Variants in GLDC observed in about 807,000 individuals in gnomAD.
GLDC encodes glycine decarboxylase.
In GLDC, 104 loss-of-function variants were observed where a neutral mutation model predicts 121.3. The ratio of observed to expected loss-of-function variants is 0.86; its 90% CI spans 0.73 to 1.01. GLDC has a LOEUF of 1.01. Ranked by LOEUF, GLDC falls within the 50% of genes least tolerant of loss-of-function variation. The pLI is 0.00. For synonymous variants in GLDC, 546 were observed against 480.6 expected (o/e 1.14, Z -1.78); for missense variants, 1,429 against 1,306.6 (o/e 1.09, Z -1.44).
At chr9:6,541,510 C>T (rs1433409235) in intron 21 of GLDC, 1 of 152,112 alleles carries the variant, frequency 6.6e-6, no homozygotes, top group Non-Finnish European at 1.5e-5. Context: ...TGCTCTGCTT[C>T]TTATAGAATG....
At chr9:6,539,942 C>A in intron 22 of GLDC, 109 bp downstream of exon 22, 1 of 808,612 alleles carries the variant, frequency 1.2e-6, no homozygotes, top group Non-Finnish European at 2.2e-6. Flanking sequence ...CTGAGCTCCC[C>A]ATTTATCCCC....
At chr9:6,633,137 TTA>T (rs1290262435) in intron 2 of GLDC, among the ~76,000 whole-genome samples, 1 of 152,164 alleles carries the variant, frequency 6.6e-6, no homozygotes, top group Non-Finnish European at 1.5e-5. Context: ...CGGAGGATCC[TTA>T]TGTCTTTATG....
At chr9:6,622,244 C>A (rs191626583) in intron 2 of GLDC, among the ~76,000 whole-genome samples, 2 of 151,682 alleles carry the variant, frequency 1.3e-5, no homozygotes, top group African/African-American at 4.8e-5. Context: ...ATATGGTCCC[C>A]CTCCCCCTCC....
Position 6,645,664 on chromosome 9 carries a change from C to T in GLDC, c.-165G>A. On this transcript the variant is annotated 5_prime_UTR_variant, in exon 1 of 25. Coordinates refer to ENST00000321612, the MANE Select transcript of GLDC (RefSeq NM_000170.3). ...GACGCTCGCGGGCAATGAATGGGCG[C>T]TGCGCTCAACCAAGACACTCGCGCA... 2.5e-6 allele frequency: 1 copy of T among 399,390 alleles called. No individual in the cohort carries two copies. The highest frequency in any genetic ancestry group is 4.0e-6 in the Non-Finnish European group (1 of 249,992). 24.7% of individuals were successfully genotyped at this position (399,390 alleles called of 1,614,324 possible).
intron 3 of GLDC, among the ~76,000 whole-genome samples, chr9:6,614,538 G>C (rs894067208): frequency 2.7e-5 from 4 of 150,136 alleles, no homozygotes; most frequent in African/African-American, 9.9e-5. Flanking sequence ...CCCAGCTGAA[G>C]CCCTGGGTTT....
intron 7 of GLDC, among the ~76,000 whole-genome samples, chr9:6,603,058 T>C (rs981156899): frequency 1.3e-5 from 2 of 151,782 alleles, no homozygotes; most frequent in Non-Finnish European, 2.9e-5. Context: ...TGAAACCCCA[T>C]CTCTACTAAA....
chr9:6,547,438 A>G (rs1053914567), intron 21 of GLDC, among the ~76,000 whole-genome samples: 2 of 152,142 alleles, frequency 1.3e-5, no homozygotes, highest in Non-Finnish European at 2.9e-5. Flanking sequence ...TGGCCATGAT[A>G]TATTGTTTAC....
intron 21 of GLDC, among the ~76,000 whole-genome samples, chr9:6,549,741 G>T (rs562160119): frequency 6.6e-6 from 1 of 152,010 alleles, no homozygotes; most frequent in Non-Finnish European, 1.5e-5. Flanking sequence ...AAGCCCTAGA[G>T]GCTAGCTAAC....
chr9:6,593,058 A>G, intron 9 of GLDC, 68 bp from the exon 10 acceptor site: 1 of 1,524,382 alleles, frequency 6.6e-7, no homozygotes, highest in Non-Finnish European at 9.1e-7. Flanking sequence ...GACATGTCAC[A>G]GAATAATAAA....
At chr9:6,615,535 G>C (rs1818951734) in intron 3 of GLDC, among the ~76,000 whole-genome samples, 1 of 151,194 alleles carries the variant, frequency 6.6e-6, no homozygotes, top group Admixed American at 6.6e-5. Flanking sequence ...TGAGCTATTA[G>C]AGCACCACTG....
At chr9:6,630,199 G>A (rs1789526119) in intron 2 of GLDC, among the ~76,000 whole-genome samples, 1 of 151,776 alleles carries the variant, frequency 6.6e-6, no homozygotes, top group Non-Finnish European at 1.5e-5. Context: ...AACCCAGGAG[G>A]CGGAGCTTGC....
At chr9:6,590,657 A>G (rs1010890880) in intron 11 of GLDC, among the ~76,000 whole-genome samples, 9 of 152,248 alleles carry the variant, frequency 5.9e-5, no homozygotes, top group African/African-American at 1.9e-4. Flanking sequence ...CATGAGCCAA[A>G]TAAAGCTATT....
chr9:6,534,860 C>T, intron 23 of GLDC, 72 bp from the exon 24 acceptor site: 1 of 814,712 alleles, frequency 1.2e-6, no homozygotes. Context: ...TGCACCTCAA[C>T]CGTCAATCTT....
chr9:6,536,941 T>C (rs1256941681), intron 22 of GLDC, among the ~76,000 whole-genome samples: 1 of 152,114 alleles, frequency 6.6e-6, no homozygotes, highest in Non-Finnish European at 1.5e-5. Context: ...ACATGTAAGG[T>C]AGTGCAACAA....
intron 2 of GLDC, among the ~76,000 whole-genome samples, chr9:6,637,309 G>T (rs1346313859): frequency 1.3e-5 from 2 of 151,656 alleles, no homozygotes; most frequent in African/African-American, 2.4e-5. Context: ...GGAGGCAGAG[G>T]CAGGAGAATC....
At chr9:6,584,363 C>CA (rs945133608) in intron 15 of GLDC, among the ~76,000 whole-genome samples, 1 of 152,156 alleles carries the variant, frequency 6.6e-6, no homozygotes, top group Admixed American at 6.5e-5. Context: ...TTTCTTCTTA[C>CA]AAAAAATGTG....
At chr9:6,554,896 C>A in intron 18 of GLDC, 115 bp from the exon 19 acceptor site, 2 of 767,804 alleles carry the variant, frequency 2.6e-6, no homozygotes. Flanking sequence ...GCAGGCAGAG[C>A]CACATCCATG....
chr9:6,591,961 C>T, intron 11 of GLDC, 182 bp downstream of exon 11: 1 of 631,892 alleles, frequency 1.6e-6, no homozygotes, highest in Non-Finnish European at 2.9e-6. Context: ...CTGGCTGGAG[C>T]CCTACAGCAG....
At chr9:6,601,484 T>C (rs564535133) in intron 8 of GLDC, among the ~76,000 whole-genome samples, 1 of 152,366 alleles carries the variant, frequency 6.6e-6, no homozygotes, top group East Asian at 1.9e-4. Context: ...GATCTGAAGA[T>C]GTGATTATGG....
Sources: gnomAD v4.1 joint callset for allele counts (sites outside exome capture counted in the v4.1 genomes callset) on GRCh38, gnomAD v4.1.1 for gene constraint, MANE v1.5 for transcripts, NCBI Gene and HGNC (gene_info 2026-07-23, HGNC 2026-07-21) for gene names.